Variants in ABCB1 observed in about 807,000 individuals in gnomAD.
ABCB1 encodes the protein ATP binding cassette subfamily B member 1, also known as ATP-dependent translocase ABCB1.
ABCB1 carries 69 observed loss-of-function variants against 142.0 expected under a neutral mutation model. That is an observed-to-expected ratio of 0.49 (90% CI 0.40 to 0.59). The LOEUF (loss-of-function observed/expected upper bound fraction) is 0.59, where lower values mean the gene tolerates loss of function less well. Ranked by LOEUF, ABCB1 falls within the 20% of genes least tolerant of loss-of-function variation. The pLI, the probability that ABCB1 is intolerant of heterozygous loss-of-function variation, is 0.00. For synonymous variants in ABCB1, 532 were observed against 539.2 expected, an observed-to-expected ratio of 0.99 and a Z score of 0.18; for missense variants, 1,326 against 1,554.7, an observed-to-expected ratio of 0.85 and a Z score of 2.47.
At chr7:87,621,142 G>T (rs535490498) in intron 1 of ABCB1, among the ~76,000 whole-genome samples, 2 of 152,230 alleles carry the variant, frequency 1.3e-5, no homozygotes, top group South Asian at 4.2e-4. Flanking sequence ...CTTGGTGAGA[G>T]AGATGTGTCA....
intron 1 of ABCB1, among the ~76,000 whole-genome samples, chr7:87,606,576 T>A (rs1359978062): frequency 6.6e-6 from 1 of 152,074 alleles, no homozygotes; most frequent in Non-Finnish European, 1.5e-5. Context: ...AGTAGTAATA[T>A]AAAACGTGCT....
chr7:87,654,653 G>A (rs1823903819), intron 1 of ABCB1, among the ~76,000 whole-genome samples: 1 of 152,102 alleles, frequency 6.6e-6, no homozygotes, highest in Admixed American at 6.6e-5. Context: ...AAGGCTCCAT[G>A]ACATTGGTCT....
At chr7:87,583,668 T>A (rs1006261080) in intron 4 of ABCB1, among the ~76,000 whole-genome samples, 4 of 152,174 alleles carry the variant, frequency 2.6e-5, no homozygotes, top group African/African-American at 7.2e-5. Flanking sequence ...CACAACTAGA[T>A]CATCATCTGT....
At chr7:87,691,284 T>C (rs1000653807) in intron 1 of ABCB1, among the ~76,000 whole-genome samples, 3 of 152,176 alleles carry the variant, frequency 2.0e-5, no homozygotes, top group Non-Finnish European at 2.9e-5. Flanking sequence ...ATGCTGTCTG[T>C]CTTCAGTATT....
chr7:87,537,504 G>A (rs28381950), intron 19 of ABCB1, among the ~76,000 whole-genome samples: 4,086 of 152,244 alleles, frequency 0.027, 194 homozygotes, highest in African/African-American at 0.092. Context: ...ATGGCTTCAA[G>A]GTTTTTAGCC....
At chr7:87,710,338 A>T (rs1202253934) in intron 1 of ABCB1, among the ~76,000 whole-genome samples, 1 of 152,054 alleles carries the variant, frequency 6.6e-6, no homozygotes, top group African/African-American at 2.4e-5. Flanking sequence ...CTGTCCCTTC[A>T]GAGGATAGAA....
chr7:87,667,713 A>T (rs1825403770), intron 1 of ABCB1, among the ~76,000 whole-genome samples: 1 of 151,994 alleles, frequency 6.6e-6, no homozygotes, highest in Non-Finnish European at 1.5e-5. Flanking sequence ...GAATTTTATC[A>T]AAGGCCTTTT....
chr7:87,600,526 G>A (rs1195296897), intron 1 of ABCB1, among the ~76,000 whole-genome samples: 3 of 152,342 alleles, frequency 2.0e-5, no homozygotes, highest in Non-Finnish European at 4.4e-5. Context: ...CACCGCGCGG[G>A]CTGTGCGCGC....
intron 3 of ABCB1, among the ~76,000 whole-genome samples, chr7:87,591,803 T>A (rs1563066831): frequency 6.6e-6 from 1 of 151,924 alleles, no homozygotes; most frequent in African/African-American, 2.4e-5. Flanking sequence ...TGCATGAGAA[T>A]AAAAAAAATT....
intron 4 of ABCB1, among the ~76,000 whole-genome samples, chr7:87,584,856 A>T (rs1237824561): frequency 1.3e-5 from 2 of 151,886 alleles, no homozygotes; most frequent in Non-Finnish European, 1.5e-5. Context: ...AATCTCTTCC[A>T]TCTTTCATTC....
At position 87,589,805 on chromosome 7, in the gene ABCB1, G is replaced by GGAGAGAGAGAGA. The variant is rs370840500; in HGVS notation, c.118-4137_118-4126dup. ...AAAAAAAGAAAGAGAGAGAGAGAGA[G>GGAGAGAGAGAGA]GAGAGAGAGAGAGAGAGAGAGAGAG... is the stretch of plus-strand genomic sequence containing the variant. On this transcript the variant is annotated intron_variant, in intron 3 of 27. Coordinates refer to ENST00000622132, the MANE Select transcript of ABCB1 (RefSeq NM_001348946.2). 5.2e-3 allele frequency among the ~76,000 whole-genome samples: 552 copies of GGAGAGAGAGAGA among 105,344 alleles called. 16 individuals carry two copies. The highest frequency in any genetic ancestry group is 0.022 in the African/African-American group (377 of 16,998). 69.1% of individuals were successfully genotyped at this position (105,344 alleles called of 152,430 possible).
At chr7:87,698,942 A>AT (rs1828756523) in intron 1 of ABCB1, among the ~76,000 whole-genome samples, 1 of 152,236 alleles carries the variant, frequency 6.6e-6, no homozygotes, top group Non-Finnish European at 1.5e-5. Context: ...TTGATTAATA[A>AT]TAAGTACATC....
intron 2 of ABCB1, among the ~76,000 whole-genome samples, chr7:87,596,814 C>T (rs1282829099): frequency 6.6e-6 from 1 of 152,050 alleles, no homozygotes; most frequent in Non-Finnish European, 1.5e-5. Flanking sequence ...TACACAAACA[C>T]AACTCTTCAG....
intron 1 of ABCB1, among the ~76,000 whole-genome samples, chr7:87,698,313 G>A (rs1031154628): frequency 6.6e-6 from 1 of 152,094 alleles, no homozygotes; most frequent in Non-Finnish European, 1.5e-5. Flanking sequence ...TGTTAGCCAG[G>A]ATGGTCTCCT....
intron 1 of ABCB1, among the ~76,000 whole-genome samples, chr7:87,703,885 C>CTTTTTTTTTTTTTTTTTTTTTT: frequency 3.8e-4 from 23 of 60,282 alleles, no homozygotes; most frequent in Non-Finnish European, 4.4e-4. Flanking sequence ...TCAGTTTTTT[C>CTTTTTTTTTTTTTTTTTTTTTT]TTTTTTTTTT....
intron 1 of ABCB1, among the ~76,000 whole-genome samples, chr7:87,631,562 TTG>T (rs1208033413): frequency 6.6e-6 from 1 of 152,118 alleles, no homozygotes; most frequent in African/African-American, 2.4e-5. Context: ...GGCTAATTTT[TTG>T]TGTTTTGTTT....
intron 1 of ABCB1, chr7:87,693,953 T>C: frequency 5.6e-6 from 9 of 1,611,522 alleles, no homozygotes; most frequent in Non-Finnish European, 5.9e-6. Flanking sequence ...CAAATACCTC[T>C]TCAAGGTACT....
At position 87,531,451 on chromosome 7, in the gene ABCB1, A is replaced by G; in HGVS notation, c.2528T>C (p.Leu843Pro). The change falls in exon 21 of 28, where the codon CTT becomes CCT. Residue 843 changes from leucine (L) to proline (P), a missense_variant. Transcript: ENST00000622132. ...LAVITQNIAN[L>P]GTGIIISFIY... ...GAAGGATATAATTATTCCTGTCCCA[A>G]GATTTGCTATATTCTGGGTAATTAC... 2 of 1,613,414 alleles carry G rather than the reference A, an allele frequency of 1.2e-6. No individual in the cohort carries two copies. The highest frequency in any genetic ancestry group is 1.3e-5 in the African/African-American group (1 of 75,000).
chr7:87,560,458 T>A (rs1817513228), intron 8 of ABCB1, among the ~76,000 whole-genome samples: 1 of 152,164 alleles, frequency 6.6e-6, no homozygotes, highest in South Asian at 2.1e-4. Flanking sequence ...AATCCCCTGC[T>A]GTGTGTTCGG....
Sources: gnomAD v4.1 joint callset for allele counts (sites outside exome capture counted in the v4.1 genomes callset) on GRCh38, gnomAD v4.1.1 for gene constraint, MANE v1.5 for transcripts, NCBI Gene and HGNC (gene_info 2026-07-23, HGNC 2026-07-21) for gene names.